APOLD1: variants seen among roughly 807,000 people sequenced by gnomAD.
APOLD1 encodes the protein apolipoprotein L domain-containing protein 1.
A neutral mutation model predicts 15.3 loss-of-function variants in APOLD1; 22 were observed. That is an observed-to-expected ratio of 1.44 (90% CI 1.03 to 2.05). The LOEUF (loss-of-function observed/expected upper bound fraction) is 2.05. APOLD1 is among the 30% of genes most tolerant of loss of function. The probability of loss-of-function intolerance (pLI) is 0.00; values close to 1 mark genes in which losing one functional copy is unlikely to be tolerated. For missense variants in APOLD1, 394 were observed against 353.5 expected (o/e 1.11, Z -0.92); for synonymous variants, 190 against 167.4 (o/e 1.13, Z -1.04).
intron 1 of APOLD1, among the ~76,000 whole-genome samples, chr12:12,768,879 A>G (rs991565544): frequency 2.6e-5 from 4 of 151,790 alleles, no homozygotes; most frequent in Non-Finnish European, 4.4e-5. Context: ...ATTTTCAGGG[A>G]AAAAAAGTGG....
In APOLD1 at chr12:12,788,795, G is replaced by T. The variant is rs552955413; in HGVS notation, c.*1143G>T. On this transcript the variant is annotated 3_prime_UTR_variant, in exon 2 of 2. Transcript: ENST00000356591. ...TGCTAACTTCTAATCCCCTTGATGA[G>T]CTTTCACGAAGTCTCACGGCTTCTC... 6.6e-6 allele frequency: 1 copy of T among 152,344 alleles called. No individual in the cohort carries two copies. The highest frequency in any genetic ancestry group is 6.5e-5 in the Admixed American group (1 of 15,310). 9.4% of individuals were successfully genotyped at this position (152,344 alleles called of 1,614,324 possible).
intron 1 of APOLD1, among the ~76,000 whole-genome samples, chr12:12,770,422 G>T (rs764847725): frequency 1.3e-5 from 2 of 151,960 alleles, no homozygotes; most frequent in Non-Finnish European, 2.9e-5. Context: ...ACAACAAAAT[G>T]TTAGAGATAA....
intron 1 of APOLD1, among the ~76,000 whole-genome samples, chr12:12,737,659 G>C (rs1946699102): frequency 1.3e-5 from 2 of 152,120 alleles, no homozygotes; most frequent in African/African-American, 4.8e-5. Context: ...TCAAGAGAGA[G>C]TACTGATAGA....
At chr12:12,771,712 C>T (rs983199471) in intron 1 of APOLD1, 1 of 366,690 alleles carries the variant, frequency 2.7e-6, no homozygotes, top group Non-Finnish European at 5.3e-6. Flanking sequence ...CACTTCCTAA[C>T]AGATAACAGT....
rs1469183309 is a variant in APOLD1, at chr12:12,788,543, T to C, written c.*891T>C. 1 of 152,194 alleles carries C rather than the reference T, an allele frequency of 6.6e-6. No individual in the cohort carries two copies. Among genetic ancestry groups the C allele is most frequent in the African/African-American group, 2.4e-5 (1 of 41,444 alleles). 9.4% of individuals were successfully genotyped at this position (152,194 alleles called of 1,614,324 possible). On this transcript the variant is annotated 3_prime_UTR_variant, in exon 2 of 2. Coordinates refer to ENST00000356591, the MANE Select transcript of APOLD1 (RefSeq NM_030817.3). ...TAAAATCTCACCCTGTTGTGAGATA[T>C]TAAATGAGCCAAAGTGCCTAGCATG...
chr12:12,770,391 C>T (rs1014418367), intron 1 of APOLD1, among the ~76,000 whole-genome samples: 1 of 151,940 alleles, frequency 6.6e-6, no homozygotes, highest in Admixed American at 6.6e-5. Context: ...GGTGACAGAG[C>T]GAGACTTCAT....
Position 12,787,569 on chromosome 12 carries a change from T to A in APOLD1, c.664T>A (p.Ser222Thr), listed in dbSNP as rs888562136. 6.2e-7 allele frequency: 1 copy of A among 1,612,986 alleles called. No homozygotes were observed. The highest frequency in any genetic ancestry group is 1.7e-5 in the Admixed American group (1 of 59,998). Residue 222 changes from serine to threonine, a missense_variant, in exon 2 of 2, where the codon TCT (serine) becomes ACT (threonine). Physicochemically the swap from Ser to Thr is moderately conservative, Grantham distance 58 (BLOSUM62 1). Transcript: ENST00000356591. The surrounding 1 kb of genome is among the most constrained non-coding windows in gnomAD (Gnocchi z 4.9). ...GGACGAACTCAGCGAGCAGCTGGAG[T>A]CTCGGGTTCAGCTCTGCACCAAGTC... ...ALDELSEQLESRVQLCTKSSR... is the reference protein window; with the variant it reads ...ALDELSEQLETRVQLCTKSSR...
intron 1 of APOLD1, among the ~76,000 whole-genome samples, chr12:12,779,033 C>G (rs760935393): frequency 1.3e-5 from 2 of 152,194 alleles, no homozygotes; most frequent in Admixed American, 6.5e-5. Context: ...CTGCTTCCCA[C>G]TTTATGTTCA....
At chr12:12,741,084 G>GA (rs571145986) in intron 1 of APOLD1, among the ~76,000 whole-genome samples, 4 of 149,570 alleles carry the variant, frequency 2.7e-5, no homozygotes, top group East Asian at 1.9e-4. Context: ...CTCTTACCAA[G>GA]AAAAAAAAAA....
chr12:12,787,277 G>A lies in APOLD1; in HGVS notation c.372G>A (p.Ala124=). The A allele has an allele frequency of 6.2e-7, 1 of 1,600,554 alleles. No homozygotes were observed. The highest frequency in any genetic ancestry group is 8.5e-7 in the Non-Finnish European group (1 of 1,174,250). The change falls in exon 2 of 2, where the codon GCG becomes GCA. Residue 124 remains alanine (A), a synonymous_variant. Transcript: ENST00000356591. This position sits in a 1 kb window ranked among gnomAD's most constrained non-coding sequence, Gnocchi z 4.9. The part of the protein sequence containing the change: ...SRELRRVQEI[A]ATCQDQMREI... ...AGCTGCGGAGGGTGCAGGAGATCGC[G>A]GCCACCTGCCAGGACCAGATGCGAG...
At chr12:12,785,100 A>G (rs969520069), upstream of APOLD1, among the ~76,000 whole-genome samples, 3 of 152,192 alleles carry the variant, frequency 2.0e-5, no homozygotes, top group African/African-American at 7.2e-5. Context: ...AACTGCACGC[A>G]GCACTTCCTG....
intron 1 of APOLD1, among the ~76,000 whole-genome samples, chr12:12,776,015 A>AC (rs1947030548): frequency 6.6e-6 from 1 of 150,680 alleles, no homozygotes; most frequent in African/African-American, 2.4e-5. Context: ...AAAAAAAAAA[A>AC]AAAAAAAAAA....
intron 1 of APOLD1, among the ~76,000 whole-genome samples, chr12:12,749,711 T>C (rs764467055): frequency 3.3e-5 from 5 of 152,194 alleles, no homozygotes; most frequent in African/African-American, 1.2e-4. Context: ...ATGGGAAACC[T>C]GTAGGGGGTA....
intron 1 of APOLD1, among the ~76,000 whole-genome samples, chr12:12,757,276 G>A (rs1946863607): frequency 6.6e-6 from 1 of 152,098 alleles, no homozygotes; most frequent in Non-Finnish European, 1.5e-5. Flanking sequence ...CAGTCACAAT[G>A]CTTTTGGTGA....
chr12:12,743,031 C>A (rs138762539), intron 1 of APOLD1, among the ~76,000 whole-genome samples: 1 of 152,198 alleles, frequency 6.6e-6, no homozygotes, highest in East Asian at 1.9e-4. Context: ...GGATTACAGG[C>A]GTGAGCCACC....
rs575407927 is a variant in APOLD1 at position 12,763,681 on chromosome 12, A to G, written c.97-23228A>G. On this transcript the variant is annotated intron_variant, in intron 1 of 1. Coordinates refer to the APOLD1 transcript ENST00000326765. Reference sequence around the variant, plus strand: ...TTATATGCAAACGCTATACCATTTTATATGGGACTTTAGCATCCTCGCATT... The same window carrying G: ...TTATATGCAAACGCTATACCATTTTGTATGGGACTTTAGCATCCTCGCATT... Among the ~76,000 whole-genome samples the G allele has an allele frequency of 2.0e-5, 3 of 152,296 alleles. No homozygotes were observed. The East Asian group carries it at 5.8e-4, about 29-fold the overall frequency.
rs192474223 is a variant in APOLD1 at position 12,765,129 on chromosome 12, G to T, written c.97-21780G>T. Reference sequence around the variant, plus strand: ...CCTGGTTCTGCAGGCTGTATAAGAGGCAAAGACCAGCATCTGCTTCTGATG... The same window carrying T: ...CCTGGTTCTGCAGGCTGTATAAGAGTCAAAGACCAGCATCTGCTTCTGATG... On this transcript the variant is annotated intron_variant, in intron 1 of 1. Transcript: ENST00000326765. Among the ~76,000 whole-genome samples, 4 of 152,252 alleles carry T rather than the reference G, an allele frequency of 2.6e-5. No homozygotes were observed. The East Asian group carries it at 7.7e-4, about 29-fold the overall frequency.
chr12:12,739,368 C>T (rs773251413), intron 1 of APOLD1, among the ~76,000 whole-genome samples: 57 of 152,264 alleles, frequency 3.7e-4, no homozygotes, highest in South Asian at 2.5e-3. Flanking sequence ...AAAGCTGGAA[C>T]GGGAAAGAGT....
intron 1 of APOLD1, among the ~76,000 whole-genome samples, chr12:12,733,579 GA>G (rs1228219467): frequency 2.6e-5 from 4 of 152,002 alleles, no homozygotes; most frequent in Admixed American, 2.0e-4. Flanking sequence ...TTTTAACAAG[GA>G]AAAAACCATG....
Sources: allele counts gnomAD v4.1 joint callset (sites outside exome capture counted in the v4.1 genomes callset), GRCh38; gene constraint gnomAD v4.1.1; non-coding constraint Gnocchi (gnomAD v3.1); transcripts MANE v1.5; gene names NCBI Gene and HGNC (gene_info 2026-07-23, HGNC 2026-07-21).